The following PDE1C variants were observed in gnomAD, a reference collection of about 807,000 sequenced individuals.
PDE1C encodes the protein phosphodiesterase 1C.
In PDE1C, 62 loss-of-function variants were observed where a neutral mutation model predicts 93.1. The observed-to-expected ratio is 0.67, with a 90% CI of 0.54 to 0.82. PDE1C has a LOEUF of 0.82. Among genes scored for constraint, PDE1C ranks in the 40% least tolerant of loss-of-function variants. PDE1C has a pLI of 0.00. For missense variants in PDE1C, 742 were observed against 884.6 expected (o/e 0.84, Z 2.04); for synonymous variants, 325 against 310.1 (o/e 1.05, Z -0.50).
At chr7:31,984,632 T>C (rs1157470990) in intron 2 of PDE1C, among the ~76,000 whole-genome samples, 1 of 152,200 alleles carries the variant, frequency 6.6e-6, no homozygotes, top group Non-Finnish European at 1.5e-5. Flanking sequence ...GCTCTGCAAA[T>C]TACATAAGTG....
At chr7:32,057,605 C>T (rs577620695) in intron 1 of PDE1C, among the ~76,000 whole-genome samples, 2 of 152,200 alleles carry the variant, frequency 1.3e-5, no homozygotes, top group South Asian at 4.1e-4. Context: ...CTTCTAGACC[C>T]TGAACTTCAT....
At chr7:31,619,587 G>C in the PDE1C span, among the ~76,000 whole-genome samples, 1 of 152,170 alleles carries the variant, frequency 6.6e-6, no homozygotes, top group East Asian at 1.9e-4. Flanking sequence ...AAGTAAGTTT[G>C]TAAAGAGTGT....
chr7:32,221,618 C>A (rs16875793), intron 1 of PDE1C, among the ~76,000 whole-genome samples: 18,307 of 152,166 alleles, frequency 0.12, 1,194 homozygotes, highest in East Asian at 0.23. Context: ...AAGGACATAA[C>A]CCGCATTGAA....
chr7:31,813,641 CAT>C (rs1243487892), intron 15 of PDE1C, among the ~76,000 whole-genome samples: 3 of 151,908 alleles, frequency 2.0e-5, no homozygotes, highest in Admixed American at 6.6e-5. Flanking sequence ...TTTGTATGAA[CAT>C]ATGTTTTTAT....
the PDE1C span, chr7:31,651,831 T>C: frequency 2.8e-6 from 2 of 720,200 alleles, no homozygotes; most frequent in South Asian, 4.0e-5. Flanking sequence ...AAGATGACAT[T>C]CTCTTTTAAG....
At chr7:32,271,514 T>G (rs1810963691) in intron 1 of PDE1C, among the ~76,000 whole-genome samples, 2 of 152,178 alleles carry the variant, frequency 1.3e-5, no homozygotes, top group African/African-American at 4.8e-5. Context: ...AATAATGCTG[T>G]GAGTGGGTAG....
chr7:32,090,183 T>A (rs1308781413), intron 3 of PDE1C, among the ~76,000 whole-genome samples: 26 of 151,754 alleles, frequency 1.7e-4, no homozygotes, highest in South Asian at 4.2e-4. Flanking sequence ...ATAACATAAA[T>A]AAAAAAATAG....
chr7:32,378,298 TTTGTAAAAA>T lies in PDE1C; in HGVS notation c.310+49515_310+49523del, dbSNP rs565334411. ...CTCAAATGCCGATCTTGAAACCACC[TTTGTAAAAA>T]TTGTATCAGTAGATACAATGGGAGT... is the stretch of plus-strand genomic sequence containing the variant. On this transcript the variant is annotated intron_variant, in intron 1 of 1. Coordinates refer to the PDE1C transcript ENST00000672256. Among the ~76,000 whole-genome samples the T allele has an allele frequency of 3.2e-3, 492 of 152,274 alleles. 4 individuals are homozygous for T. Among genetic ancestry groups the T allele is most frequent in the Non-Finnish European group, 5.7e-3 (386 of 68,024 alleles).
exon 1 of PDE1C, chr7:32,298,819 T>C (rs1812794365): frequency 6.7e-7 from 1 of 1,484,386 alleles, no homozygotes; most frequent in Non-Finnish European, 8.9e-7. Flanking sequence ...AGCCCGGGGC[T>C]CGGCGGCGAA....
At chr7:31,884,438 T>C (rs928753166) in intron 2 of PDE1C, among the ~76,000 whole-genome samples, 3 of 152,086 alleles carry the variant, frequency 2.0e-5, no homozygotes, top group Admixed American at 1.3e-4. Flanking sequence ...GAAAAAAACA[T>C]GACAATAGAA....
chr7:31,873,161 C>T (rs760275774), intron 6 of PDE1C, 131 bp downstream of exon 6: 64 of 615,326 alleles, frequency 1.0e-4, no homozygotes, highest in Non-Finnish European at 1.6e-4. Context: ...AGTGGCTATC[C>T]GAAGGATGCT....
At chr7:32,426,242 A>C (rs1406865235) in intron 1 of PDE1C, among the ~76,000 whole-genome samples, 1 of 150,422 alleles carries the variant, frequency 6.6e-6, no homozygotes, top group Admixed American at 6.6e-5. Flanking sequence ...TTTGAGTTTC[A>C]TGGCATAGAA....
chr7:31,726,313 C>A, the PDE1C span, among the ~76,000 whole-genome samples: 2 of 152,142 alleles, frequency 1.3e-5, no homozygotes, highest in African/African-American at 4.8e-5. Flanking sequence ...ATACACTGGC[C>A]TCCCAAAGTG....
At chr7:32,251,084 C>A (rs551768052) in intron 1 of PDE1C, among the ~76,000 whole-genome samples, 1 of 152,232 alleles carries the variant, frequency 6.6e-6, no homozygotes, top group Admixed American at 6.5e-5. Context: ...AGCGCGCGTG[C>A]GCACACACAC....
At chr7:32,124,261 G>A (rs1331761433) in intron 3 of PDE1C, among the ~76,000 whole-genome samples, 1 of 152,162 alleles carries the variant, frequency 6.6e-6, no homozygotes, top group African/African-American at 2.4e-5. Flanking sequence ...TCAATAGCGT[G>A]AAAATGGCCA....
intron 2 of PDE1C, among the ~76,000 whole-genome samples, chr7:32,038,488 A>G (rs1301058050): frequency 1.3e-5 from 2 of 152,152 alleles, no homozygotes; most frequent in African/African-American, 4.8e-5. Context: ...GCATACACGC[A>G]TTGTCTCATT....
rs927258050 is a variant in PDE1C, at chr7:32,385,248, G to A, written c.310+42574C>T. Among the ~76,000 whole-genome samples, 5 of 152,288 alleles carry A rather than the reference G, an allele frequency of 3.3e-5. No homozygotes were observed. In the East Asian group the frequency reaches 7.7e-4, roughly 23 times the overall value. ...AGGCTCCTCTGAAATTCTAAGTGGA[G>A]ACACTAAGTACACAGTTGAATATAT... On this transcript the variant is annotated intron_variant, in intron 1 of 1. Transcript: ENST00000672256.
At chr7:32,300,292 T>C (rs1299865884), upstream of PDE1C, among the ~76,000 whole-genome samples, 2 of 152,206 alleles carry the variant, frequency 1.3e-5, no homozygotes, top group Non-Finnish European at 2.9e-5. Context: ...ATAAATTCTC[T>C]CAGGAAAGAC....
At chr7:31,995,803 A>G (rs1563161416) in intron 2 of PDE1C, among the ~76,000 whole-genome samples, 1 of 152,160 alleles carries the variant, frequency 6.6e-6, no homozygotes. Flanking sequence ...AACAAAAAGC[A>G]TCAATTCTGA....
Sources: allele counts gnomAD v4.1 joint callset (sites outside exome capture counted in the v4.1 genomes callset), GRCh38; gene constraint gnomAD v4.1.1; transcripts MANE v1.5; gene names NCBI Gene and HGNC (gene_info 2026-07-23, HGNC 2026-07-21).